RYR2: variants seen among roughly 807,000 people sequenced by gnomAD.
RYR2 encodes cardiac muscle ryanodine receptor-calcium release channel.
Under a neutral mutation model 601.1 loss-of-function variants are expected in RYR2, and 227 were observed. The observed-to-expected ratio is 0.38, with a 90% CI of 0.34 to 0.42. The LOEUF (loss-of-function observed/expected upper bound fraction) is 0.42, where lower values mean the gene tolerates loss of function less well. RYR2 is among the 10% of genes least tolerant of loss of function. RYR2 has a pLI of 1.00. For synonymous variants in RYR2, 2,223 were observed against 2,175.1 expected, an observed-to-expected ratio of 1.02 and a Z score of -0.61; for missense variants, 4,646 against 6,156.5, an observed-to-expected ratio of 0.75 and a Z score of 8.21.
rs760924409 is a variant in RYR2 at position 237,610,734 on chromosome 1, A to G, written c.4684-28A>G. ...GAACCCCAAGGGATGTTCTACATTT[A>G]TTCTTTTTCTGCCTCCCCATCCGCT... is the stretch of plus-strand genomic sequence containing the variant. On this transcript the variant is annotated intron_variant, in intron 35 of 104. Coordinates refer to ENST00000366574, the MANE Select transcript of RYR2 (RefSeq NM_001035.3). This position sits in a 1 kb window ranked among gnomAD's most constrained non-coding sequence, Gnocchi z 4.9. 3 of 1,542,142 alleles carry G rather than the reference A, an allele frequency of 1.9e-6. No homozygotes were observed. The highest frequency in any genetic ancestry group is 2.4e-5 in the East Asian group (1 of 42,070).
At chr1:237,571,977 T>C (rs1672747038) in intron 29 of RYR2, among the ~76,000 whole-genome samples, 1 of 152,220 alleles carries the variant, frequency 6.6e-6, no homozygotes, top group Non-Finnish European at 1.5e-5. Flanking sequence ...CTAGTTATTT[T>C]AAAATGTATG....
intron 51 of RYR2, among the ~76,000 whole-genome samples, chr1:237,652,518 TAA>T (rs1002697890): frequency 1.4e-4 from 21 of 152,290 alleles, no homozygotes; most frequent in African/African-American, 5.1e-4. Context: ...GTATGAGATA[TAA>T]AGAGTCTATA....
At chr1:237,709,154 T>C in intron 69 of RYR2, 56 bp downstream of exon 69, 4 of 1,449,030 alleles carry the variant, frequency 2.8e-6, no homozygotes, top group Non-Finnish European at 3.7e-6. Flanking sequence ...GTTTCTTGGC[T>C]CACATGTCCT....
At chr1:237,623,910 T>C (rs748567666) in intron 39 of RYR2, 40 bp downstream of exon 39, 32 of 1,329,944 alleles carry the variant, frequency 2.4e-5, no homozygotes, top group Non-Finnish European at 3.3e-5. Flanking sequence ...TAATTGTATG[T>C]TTTTAATCCA....
intron 70 of RYR2, 108 bp downstream of exon 70, chr1:237,709,675 G>A (rs1334078088): frequency 1.7e-6 from 1 of 583,102 alleles, no homozygotes; most frequent in African/African-American, 1.9e-5. Flanking sequence ...TTCCCCTGAG[G>A]AGTTTGAGGG....
At chr1:237,418,987 A>G (rs1705284149) in intron 11 of RYR2, among the ~76,000 whole-genome samples, 1 of 152,014 alleles carries the variant, frequency 6.6e-6, no homozygotes, top group Non-Finnish European at 1.5e-5. Context: ...CATAGCTTTT[A>G]TATATTTTGT....
chr1:237,430,260 G>T (rs563970032), intron 12 of RYR2, among the ~76,000 whole-genome samples: 1 of 150,772 alleles, frequency 6.6e-6, no homozygotes, highest in Non-Finnish European at 1.5e-5. Flanking sequence ...TATTGATCTG[G>T]AGATATGTAT....
At chr1:237,217,743 C>T (rs1683350483) in intron 1 of RYR2, among the ~76,000 whole-genome samples, 1 of 152,102 alleles carries the variant, frequency 6.6e-6, no homozygotes, top group African/African-American at 2.4e-5. Flanking sequence ...ACTGCTGACT[C>T]GCTTTACTCT....
At chr1:237,370,746 C>T (rs1270363003) in intron 6 of RYR2, among the ~76,000 whole-genome samples, 4 of 150,878 alleles carry the variant, frequency 2.7e-5, no homozygotes, top group Non-Finnish European at 5.9e-5. Context: ...CTGCAAGCTC[C>T]GCCTCCCAGG....
intron 100 of RYR2, among the ~76,000 whole-genome samples, chr1:237,816,456 C>T (rs1661834131): frequency 2.0e-5 from 3 of 152,094 alleles, no homozygotes; most frequent in Admixed American, 1.3e-4. Flanking sequence ...GAGGCCGAGG[C>T]GGGCGGATCA....
chr1:237,538,715 G>A (rs1240702975), intron 25 of RYR2, among the ~76,000 whole-genome samples: 1 of 151,806 alleles, frequency 6.6e-6, no homozygotes, highest in African/African-American at 2.4e-5. Context: ...AGGTTGCTGT[G>A]AGCCAAGATC....
intron 2 of RYR2, among the ~76,000 whole-genome samples, chr1:237,313,144 A>G (rs1694739521): frequency 1.3e-5 from 2 of 152,308 alleles, no homozygotes; most frequent in South Asian, 4.1e-4. Flanking sequence ...AAGATATGTA[A>G]GTATTGAAGT....
At chr1:237,413,472 T>G (rs2150009899) in intron 10 of RYR2, among the ~76,000 whole-genome samples, 1 of 152,324 alleles carries the variant, frequency 6.6e-6, no homozygotes, top group Admixed American at 6.5e-5. Context: ...AATTCTTCAC[T>G]TTATTGTATA....
In RYR2 at chr1:237,534,966, TTA is replaced by T. The variant is rs530589582; in HGVS notation, c.2906+4458_2906+4459del. On this transcript the variant is annotated intron_variant, in intron 25 of 104. Coordinates refer to ENST00000366574, the MANE Select transcript of RYR2 (RefSeq NM_001035.3). ...ATTTATTACCTCACATAATCCCTTT[TTA>T]TTTTGTGAGAACACTTAAAATCAAA... Among the ~76,000 whole-genome samples the T allele has an allele frequency of 9.4e-3, 1,421 of 150,826 alleles. 26 individuals are homozygous for T. The highest frequency in any genetic ancestry group is 0.033 in the African/African-American group (1,342 of 40,394).
chr1:237,768,395 T>C (rs1694008904), intron 84 of RYR2, among the ~76,000 whole-genome samples: 1 of 152,178 alleles, frequency 6.6e-6, no homozygotes. Flanking sequence ...CTTTATTTTA[T>C]ACAAGAGAAA....
chr1:237,588,949 A>G (rs1282510347), intron 29 of RYR2, among the ~76,000 whole-genome samples: 1 of 152,208 alleles, frequency 6.6e-6, no homozygotes, highest in Admixed American at 6.5e-5. Flanking sequence ...TTGCCAATCA[A>G]TTCCAAAGAG....
intron 29 of RYR2, among the ~76,000 whole-genome samples, chr1:237,588,969 A>C (rs978769804): frequency 7.2e-5 from 11 of 152,246 alleles, no homozygotes; most frequent in Non-Finnish European, 2.9e-5. Context: ...GCTCAAAAAA[A>C]CAATTAACAA....
chr1:237,736,981 A>AGAGG (rs1452740560), intron 79 of RYR2, among the ~76,000 whole-genome samples: 2 of 151,936 alleles, frequency 1.3e-5, no homozygotes, highest in African/African-American at 4.8e-5. Flanking sequence ...AAATGAAGAA[A>AGAGG]GAGGGAGGTG....
intron 88 of RYR2, among the ~76,000 whole-genome samples, chr1:237,779,460 T>TGTGA (rs1190611775): frequency 6.6e-6 from 1 of 152,090 alleles, no homozygotes; most frequent in East Asian, 1.9e-4. Flanking sequence ...ACCTTCAGAG[T>TGTGA]GTGAGTATTT....
Sources: allele counts gnomAD v4.1 joint callset (sites outside exome capture counted in the v4.1 genomes callset), GRCh38; gene constraint gnomAD v4.1.1; non-coding constraint Gnocchi (gnomAD v3.1); transcripts MANE v1.5; gene names NCBI Gene and HGNC (gene_info 2026-07-23, HGNC 2026-07-21).